DDX19A: variants seen among roughly 807,000 people sequenced by gnomAD.
DDX19A encodes DEAD-box helicase 19A.
Under a neutral mutation model 60.6 loss-of-function variants are expected in DDX19A, and 12 were observed. That is an observed-to-expected ratio of 0.20 (90% CI 0.13 to 0.32). The LOEUF is 0.32. Among genes scored for constraint, DDX19A ranks in the 10% least tolerant of loss-of-function variants. DDX19A has a pLI of 1.00. For missense variants in DDX19A, 337 were observed against 600.6 expected (o/e 0.56, Z 4.59); for synonymous variants, 206 against 218.2 (o/e 0.94, Z 0.49).
At chr16:70,369,918 A>G (rs996000541) in intron 9 of DDX19A, among the ~76,000 whole-genome samples, 1 of 152,076 alleles carries the variant, frequency 6.6e-6, no homozygotes, top group African/African-American at 2.4e-5. Context: ...GCCAGGTACA[A>G]ATATTTTCGT....
Position 70,364,586 on chromosome 16 carries a change from A to T in DDX19A, c.430A>T (p.Thr144Ser), listed in dbSNP as rs200983393. 3.7e-6 allele frequency: 6 copies of T among 1,614,132 alleles called. No individual in the cohort carries two copies. The East Asian group carries it at 1.3e-4, about 36-fold the overall frequency. The change falls in exon 6 of 12, where the codon ACA (threonine) becomes TCA (serine). Residue 144 changes from threonine to serine, a missense_variant. Thr to Ser is a moderately conservative substitution (Grantham distance 58). Coordinates refer to ENST00000302243, the MANE Select transcript of DDX19A (RefSeq NM_018332.5). The stretch of plus-strand genomic sequence containing the variant: ...CCAGTCTCAGTCTGGCACTGGTAAA[A>T]CAGCTGCCTTTGTCTTAGCCATGCT... ...IAQSQSGTGK[T>S]AAFVLAMLSR...
rs367971137 is a variant in DDX19A at position 70,367,269 on chromosome 16, G to A, written c.1020+408G>A. ...CGGTGAAACCCCATCTCTACTAAAA[G>A]TACAAAAAATTAGCGCGGCGTGGTG... On this transcript the variant is annotated intron_variant, in intron 9 of 11. Transcript: ENST00000302243. Among the ~76,000 whole-genome samples, 5 of 151,736 alleles carry A rather than the reference G, an allele frequency of 3.3e-5. No individual in the cohort carries two copies. In the East Asian group the frequency reaches 5.9e-4, roughly 18 times the overall value.
chr16:70,359,722 G>C (rs1964314304), intron 4 of DDX19A, among the ~76,000 whole-genome samples: 1 of 151,888 alleles, frequency 6.6e-6, no homozygotes, highest in African/African-American at 2.4e-5. Flanking sequence ...GCCGGGTGTG[G>C]TGGCATGTGC....
chr16:70,351,194 T>A (rs1567648937), intron 2 of DDX19A, among the ~76,000 whole-genome samples: 1 of 151,218 alleles, frequency 6.6e-6, no homozygotes, highest in Non-Finnish European at 1.5e-5. Flanking sequence ...AATTTTTTAT[T>A]TTTTATATTA....
At chr16:70,352,558 C>T (rs1472041881) in intron 2 of DDX19A, among the ~76,000 whole-genome samples, 2 of 151,744 alleles carry the variant, frequency 1.3e-5, no homozygotes, top group African/African-American at 2.4e-5. Flanking sequence ...GCTGGGATTA[C>T]AGGCGTGAGC....
intron 1 of DDX19A, chr16:70,348,108 G>C (rs1963896778): frequency 6.7e-6 from 2 of 298,426 alleles, no homozygotes; most frequent in Admixed American, 8.7e-5. Flanking sequence ...CAGTGTAGAA[G>C]TTATTCTGAT....
intron 2 of DDX19A, among the ~76,000 whole-genome samples, chr16:70,352,101 G>C (rs973262285): frequency 6.6e-6 from 1 of 152,050 alleles, no homozygotes; most frequent in African/African-American, 2.4e-5. Context: ...CCCATAAGTA[G>C]CCACTGTTCA....
Position 70,370,211 on chromosome 16 carries a change from T to G in DDX19A, c.1021-12T>G. 3.1e-6 allele frequency: 5 copies of G among 1,604,190 alleles called. No homozygotes were observed. The highest frequency in any genetic ancestry group is 4.2e-6 in the Non-Finnish European group (5 of 1,177,528). Reference sequence around the variant, plus strand: ...AAATACTTTCATTTCTCAATTGTTTTTTTTCTTCCAGACTCGCAAAACAGC... The same window carrying G: ...AAATACTTTCATTTCTCAATTGTTTGTTTTCTTCCAGACTCGCAAAACAGC... On this transcript the variant is annotated splice_polypyrimidine_tract_variant and intron_variant, in intron 9 of 11. Transcript: ENST00000302243.
chr16:70,346,910 C>A lies in DDX19A; in HGVS notation c.-82C>A, dbSNP rs561613807. 2 of 1,421,158 alleles carry A rather than the reference C, an allele frequency of 1.4e-6. No homozygotes were observed. The highest frequency in any genetic ancestry group is 1.9e-6 in the Non-Finnish European group (2 of 1,032,926). The allele number at this position is 1,421,158 out of a possible 1,614,324, so 88.0% of individuals were successfully genotyped here. A position where few individuals can be genotyped will look rare whatever the true frequency, so the allele number is the denominator to read the frequency against. ...TTCCGGTCCGCGTGAGGTGCATTCT[C>A]GCGCCGGTGGCGAGGTTAGGGCCCG... On this transcript the variant is annotated 5_prime_UTR_variant, in exon 1 of 12. Transcript: ENST00000302243.
At chr16:70,353,953 C>T (rs1256275443) in intron 2 of DDX19A, among the ~76,000 whole-genome samples, 1 of 150,428 alleles carries the variant, frequency 6.6e-6, no homozygotes, top group African/African-American at 2.4e-5. Context: ...GGCTGCAGTG[C>T]AGTGGCTCAA....
intron 3 of DDX19A, 48 bp from the exon 4 acceptor site, chr16:70,356,064 T>C (rs201371443): frequency 1.2e-6 from 2 of 1,610,184 alleles, no homozygotes; most frequent in East Asian, 2.2e-5. Flanking sequence ...TTCATAAGCC[T>C]GGGGTTTGCC....
At chr16:70,350,848 ATTATTTATTTATTTAT>A (rs200007299) in intron 2 of DDX19A, among the ~76,000 whole-genome samples, 68 of 144,076 alleles carry the variant, frequency 4.7e-4, no homozygotes, top group Admixed American at 1.3e-3. Flanking sequence ...ATTTTGGCAA[ATTATTTATTTATTTAT>A]TTATTTATTT....
At chr16:70,356,865 G>T in intron 4 of DDX19A, 12 of 1,274,700 alleles carry the variant, frequency 9.4e-6, no homozygotes, top group East Asian at 5.6e-5. Flanking sequence ...TAAAATATTG[G>T]CTGACAGGTG....
chr16:70,354,952 T>C (rs185705661), intron 2 of DDX19A, among the ~76,000 whole-genome samples: 1 of 151,704 alleles, frequency 6.6e-6, no homozygotes, highest in African/African-American at 2.4e-5. Flanking sequence ...TAGTGAGCTA[T>C]GATTGCACCA....
chr16:70,350,784 CTTAAAA>C (rs66588480), intron 2 of DDX19A, among the ~76,000 whole-genome samples, 179 bp downstream of exon 2: 44,249 of 151,822 alleles, frequency 0.29, 7,946 homozygotes, highest in Non-Finnish European at 0.39. Flanking sequence ...CCTTTGACTT[CTTAAAA>C]TTAAGAGTCT....
chr16:70,369,620 CTT>C (rs139116601), intron 9 of DDX19A, among the ~76,000 whole-genome samples: 134 of 130,836 alleles, frequency 1.0e-3, no homozygotes, highest in African/African-American at 3.0e-3. Flanking sequence ...TTCTTTTCTT[CTT>C]TTTTTTTTTT....
At chr16:70,365,300 T>C in intron 7 of DDX19A, 169 bp downstream of exon 7, 1 of 456,540 alleles carries the variant, frequency 2.2e-6, no homozygotes, top group Non-Finnish European at 3.9e-6. Context: ...TTAACAGTCT[T>C]TTTCAGTCTT....
intron 4 of DDX19A, among the ~76,000 whole-genome samples, chr16:70,359,935 G>A (rs978811988): frequency 3.3e-5 from 5 of 152,050 alleles, no homozygotes; most frequent in African/African-American, 9.7e-5. Flanking sequence ...TAGGTTAATC[G>A]AACCACCTTT....
At chr16:70,365,813 G>A in intron 7 of DDX19A, 1 of 527,640 alleles carries the variant, frequency 1.9e-6, no homozygotes, top group Admixed American at 3.2e-5. Flanking sequence ...AAAAAGAGTT[G>A]GATGATGTTG....
Sources: gnomAD v4.1 joint callset for allele counts (sites outside exome capture counted in the v4.1 genomes callset) on GRCh38, gnomAD v4.1.1 for gene constraint, MANE v1.5 for transcripts, NCBI Gene and HGNC (gene_info 2026-07-23, HGNC 2026-07-21) for gene names.